The following C10orf90 variants were observed in gnomAD, a reference collection of about 807,000 sequenced individuals.
The protein encoded by C10orf90 is chromosome 10 open reading frame 90, also known as (E2-independent) E3 ubiquitin-conjugating enzyme FATS.
In C10orf90, 56 loss-of-function variants were observed where a neutral mutation model predicts 62.5. That is an observed-to-expected ratio of 0.90 (90% confidence interval 0.72 to 1.12). The LOEUF is 1.12. Among genes scored for constraint, C10orf90 ranks in the 50% most tolerant of loss-of-function variants. C10orf90 has a pLI of 0.00. For missense variants in C10orf90, 970 were observed against 880.4 expected (o/e 1.10, Z -1.29); for synonymous variants, 386 against 340.4 (o/e 1.13, Z -1.47).
chr10:126,658,401 T>G (rs1446169628), intron 1 of C10orf90, among the ~76,000 whole-genome samples: 1 of 152,212 alleles, frequency 6.6e-6, no homozygotes, highest in Non-Finnish European at 1.5e-5. Flanking sequence ...TTGGTAAAAT[T>G]ATAGGAAGCA....
intron 2 of C10orf90, among the ~76,000 whole-genome samples, chr10:126,560,354 C>G (rs567719176): frequency 1.4e-4 from 22 of 152,300 alleles, no homozygotes; most frequent in African/African-American, 5.1e-4. Flanking sequence ...CTATTTCTCA[C>G]TTTGCTGAAG....
intron 2 of C10orf90, among the ~76,000 whole-genome samples, chr10:126,532,097 C>A (rs985940626): frequency 6.6e-6 from 1 of 152,202 alleles, no homozygotes; most frequent in Non-Finnish European, 1.5e-5. Flanking sequence ...CGATCATATA[C>A]AACTTAGCTC....
intron 3 of C10orf90, among the ~76,000 whole-genome samples, chr10:126,511,351 T>A (rs1295502293): frequency 1.4e-4 from 22 of 152,188 alleles, no homozygotes; most frequent in Non-Finnish European, 1.5e-5. Flanking sequence ...TTCCCCCAAT[T>A]TTTAACTTGT....
At chr10:126,629,040 T>C (rs1348477359) in intron 2 of C10orf90, among the ~76,000 whole-genome samples, 1 of 152,236 alleles carries the variant, frequency 6.6e-6, no homozygotes, top group Non-Finnish European at 1.5e-5. Context: ...CTTGTGACAC[T>C]GCCAATGCAC....
intron 4 of C10orf90, among the ~76,000 whole-genome samples, chr10:126,468,079 C>CTT (rs553157307): frequency 4.9e-5 from 7 of 142,926 alleles, no homozygotes; most frequent in Admixed American, 1.4e-4. Flanking sequence ...ACAAAGCTAG[C>CTT]TTTTTTTTTT....
At chr10:126,546,238 G>A (rs184194930) in intron 2 of C10orf90, among the ~76,000 whole-genome samples, 27 of 152,300 alleles carry the variant, frequency 1.8e-4, no homozygotes, top group Admixed American at 5.2e-4. Flanking sequence ...GTACCCTCAT[G>A]CCCACATGCC....
chr10:126,661,790 T>C (rs1846520212), intron 1 of C10orf90, among the ~76,000 whole-genome samples: 3 of 152,178 alleles, frequency 2.0e-5, no homozygotes, highest in Admixed American at 1.3e-4. Flanking sequence ...TGTCATTTTT[T>C]TCTTATCAAG....
chr10:126,542,800 C>T (rs1226874807), intron 2 of C10orf90, among the ~76,000 whole-genome samples: 3 of 152,202 alleles, frequency 2.0e-5, no homozygotes, highest in Admixed American at 6.5e-5. Flanking sequence ...AGAACATTTA[C>T]GGGAGGAAAA....
At chr10:126,650,694 G>A (rs1846274251) in intron 1 of C10orf90, among the ~76,000 whole-genome samples, 1 of 152,182 alleles carries the variant, frequency 6.6e-6, no homozygotes, top group Non-Finnish European at 1.5e-5. Flanking sequence ...GCAAAGCTCT[G>A]ATATTCACAT....
At chr10:126,509,165 T>A (rs1219983230) in intron 3 of C10orf90, among the ~76,000 whole-genome samples, 1 of 152,188 alleles carries the variant, frequency 6.6e-6, no homozygotes, top group Admixed American at 6.5e-5. Flanking sequence ...TGTGAACGGA[T>A]GAGGGAAGAG....
At chr10:126,581,982 A>T (rs1209726777) in intron 2 of C10orf90, among the ~76,000 whole-genome samples, 4 of 152,156 alleles carry the variant, frequency 2.6e-5, no homozygotes, top group African/African-American at 9.7e-5. Flanking sequence ...TGATGCTAGC[A>T]GGGACAGTGG....
chr10:126,621,318 T>C (rs1027217906), intron 2 of C10orf90, among the ~76,000 whole-genome samples: 13 of 152,254 alleles, frequency 8.5e-5, no homozygotes, highest in Admixed American at 7.2e-4. Flanking sequence ...CATCTCCTTT[T>C]TGTTCTTTGT....
chr10:126,623,566 G>T (rs1040756899), intron 2 of C10orf90, among the ~76,000 whole-genome samples: 2 of 152,072 alleles, frequency 1.3e-5, no homozygotes, highest in Admixed American at 6.5e-5. Context: ...ATGAGGCTGG[G>T]CATAGTGACT....
chr10:126,639,883 C>A (rs1384620334), intron 2 of C10orf90, among the ~76,000 whole-genome samples: 1 of 152,188 alleles, frequency 6.6e-6, no homozygotes, highest in Non-Finnish European at 1.5e-5. Flanking sequence ...TTGCTTATTG[C>A]ACTATTTGTG....
At chr10:126,483,786 C>T (rs1861284236) in intron 4 of C10orf90, among the ~76,000 whole-genome samples, 2 of 152,166 alleles carry the variant, frequency 1.3e-5, no homozygotes, top group Admixed American at 6.5e-5. Context: ...TGGATAGCCT[C>T]ACATGCTGGG....
intron 4 of C10orf90, among the ~76,000 whole-genome samples, chr10:126,468,215 C>T (rs1340453791): frequency 1.3e-5 from 2 of 151,974 alleles, no homozygotes; most frequent in Admixed American, 6.6e-5. Context: ...ATTACAGATG[C>T]CCACCACCAC....
chr10:126,543,062 G>A (rs1156788012), intron 2 of C10orf90, among the ~76,000 whole-genome samples: 1 of 152,186 alleles, frequency 6.6e-6, no homozygotes, highest in Non-Finnish European at 1.5e-5. Context: ...AATTTCCCTT[G>A]AAAATTCCTT....
rs116695528 is a variant in C10orf90, at chr10:126,656,045, G to A, written c.241-9408C>T. Among the ~76,000 whole-genome samples the A allele has an allele frequency of 4.5e-3, 682 of 152,096 alleles. 7 individuals carry two copies. The highest frequency in any genetic ancestry group is 0.016 in the African/African-American group (660 of 41,496). Reference sequence around the variant, plus strand: ...GACTTTCACACCTTCTCAGAATTAGGGGAAGTGATAACTTCTGCTTATTGA... The same window carrying A: ...GACTTTCACACCTTCTCAGAATTAGAGGAAGTGATAACTTCTGCTTATTGA... On this transcript the variant is annotated intron_variant, in intron 1 of 9. Transcript: ENST00000488181.
At chr10:126,535,357 A>G (rs978773177) in intron 2 of C10orf90, among the ~76,000 whole-genome samples, 1 of 151,832 alleles carries the variant, frequency 6.6e-6, no homozygotes, top group Admixed American at 6.6e-5. Flanking sequence ...GTCTACTAAA[A>G]GTACAAAAAA....
Sources: gnomAD v4.1 joint callset for allele counts (sites outside exome capture counted in the v4.1 genomes callset) on GRCh38, gnomAD v4.1.1 for gene constraint, MANE v1.5 for transcripts, NCBI Gene and HGNC (gene_info 2026-07-23, HGNC 2026-07-21) for gene names.